Variants in OR7C1 observed in about 807,000 individuals in gnomAD.
OR7C1 encodes olfactory receptor 7C1.
For synonymous variants in OR7C1, 152 were observed against 160.7 expected (o/e 0.95, Z 0.41); for missense variants, 324 against 383.3 (o/e 0.85, Z 1.29).
chr19:14,833,598 T>A (rs2145088276), intron 1 of OR7C1, among the ~76,000 whole-genome samples: 1 of 152,348 alleles, frequency 6.6e-6, no homozygotes, highest in Non-Finnish European at 1.5e-5. Flanking sequence ...AGGTATATAT[T>A]TAACTAAAGA....
rs1366890757 is a variant in OR7C1, at chr19:14,800,230, G to T, written c.-14+26C>A. 4.4e-6 allele frequency: 6 copies of T among 1,361,794 alleles called. No homozygotes were observed. The Admixed American group carries it at 7.1e-5, about 16-fold the overall frequency. 84.4% of individuals were successfully genotyped at this position (1,361,794 alleles called of 1,614,324 possible). On this transcript the variant is annotated intron_variant, in intron 4 of 4. Transcript: ENST00000641666. ...AATTTGGTTACATTTAATTTTAAGT[G>T]AAGGAATCAATTAACAAAAGATTGC...
intron 1 of OR7C1, among the ~76,000 whole-genome samples, chr19:14,821,941 T>C (rs1035712594): frequency 6.6e-6 from 1 of 152,232 alleles, no homozygotes; most frequent in Non-Finnish European, 1.5e-5. Flanking sequence ...AGATTCCCCA[T>C]GTACGAGTGT....
chr19:14,816,800 A>G (rs2044718315), intron 1 of OR7C1, among the ~76,000 whole-genome samples: 1 of 152,200 alleles, frequency 6.6e-6, no homozygotes, highest in Admixed American at 6.5e-5. Context: ...AGGTGCTAGG[A>G]GGTTAGATAT....
intron 1 of OR7C1, among the ~76,000 whole-genome samples, chr19:14,820,964 CAT>C (rs2044738294): frequency 2.0e-5 from 3 of 152,226 alleles, no homozygotes; most frequent in Non-Finnish European, 4.4e-5. Flanking sequence ...CATATAAAAA[CAT>C]GTGTGGGCCG....
At chr19:14,812,520 C>G (rs948144793) in intron 1 of OR7C1, among the ~76,000 whole-genome samples, 1 of 152,150 alleles carries the variant, frequency 6.6e-6, no homozygotes, top group East Asian at 1.9e-4. Context: ...GTCACGTACC[C>G]CCTGCTTGCT....
chr19:14,834,456 A>C (rs1371287526), intron 1 of OR7C1, among the ~76,000 whole-genome samples: 1 of 152,212 alleles, frequency 6.6e-6, no homozygotes, highest in Admixed American at 6.5e-5. Flanking sequence ...GGCCTAAACA[A>C]CACACAAATA....
intron 1 of OR7C1, among the ~76,000 whole-genome samples, chr19:14,817,826 G>A (rs2044722566): frequency 1.3e-5 from 2 of 152,148 alleles, no homozygotes; most frequent in African/African-American, 4.8e-5. Flanking sequence ...GAAGGAATGG[G>A]AGCTAAAAAG....
intron 1 of OR7C1, chr19:14,821,575 C>A (rs1298530485): frequency 6.6e-6 from 1 of 152,220 alleles, no homozygotes; most frequent in East Asian, 1.9e-4. Flanking sequence ...GTAAGAAATA[C>A]CTTTTACATC....
chr19:14,826,702 A>C (rs1158097078), intron 1 of OR7C1: 1 of 152,216 alleles, frequency 6.6e-6, no homozygotes, highest in African/African-American at 2.4e-5. Flanking sequence ...CTCGGAACAT[A>C]TTTTTGATAA....
At chr19:14,816,167 C>A (rs977963704) in intron 1 of OR7C1, among the ~76,000 whole-genome samples, 7 of 151,892 alleles carry the variant, frequency 4.6e-5, no homozygotes, top group African/African-American at 1.7e-4. Context: ...AAGGAGCGTA[C>A]CCCATAAGTG....
At chr19:14,807,367 T>C (rs542582959) in intron 2 of OR7C1, among the ~76,000 whole-genome samples, 1 of 152,128 alleles carries the variant, frequency 6.6e-6, no homozygotes, top group Admixed American at 6.5e-5. Context: ...TGTGTCCAGC[T>C]AAGATACTAT....
chr19:14,800,148 A>C (rs1266084384), exon 5 of OR7C1: 11 of 1,543,616 alleles, frequency 7.1e-6, no homozygotes, highest in Non-Finnish European at 8.7e-6. Flanking sequence ...GGGATAAAAT[A>C]ACTGCCACAA....
At chr19:14,827,605 C>G (rs371721418) in intron 1 of OR7C1, 7 of 1,614,134 alleles carry the variant, frequency 4.3e-6, no homozygotes, top group Non-Finnish European at 5.9e-6. Flanking sequence ...TAAAGGATCC[C>G]AGTCAGGGGA....
chr19:14,831,027 T>C (rs940813141), intron 1 of OR7C1, among the ~76,000 whole-genome samples: 2 of 152,238 alleles, frequency 1.3e-5, no homozygotes, highest in Non-Finnish European at 2.9e-5. Context: ...GTCAGCTCCT[T>C]TCTTGCTAAC....
rs371141714 is a variant in OR7C1, at chr19:14,799,025, C to T, written c.*149G>A. The T allele has an allele frequency of 1.4e-5, 13 of 956,556 alleles. No homozygotes were observed. In the African/African-American group the frequency reaches 1.7e-4, roughly 12 times the overall value. The allele number at this position is 956,556 out of a possible 1,614,324, so 59.3% of individuals were successfully genotyped here. A position where few individuals can be genotyped will look rare whatever the true frequency, so the allele number is the denominator to read the frequency against. ...AAACCTTGCCAAGGACTCTGTGGCC[C>T]TCCCTATCTACCTAAATAATTTCTT... On this transcript the variant is annotated 3_prime_UTR_variant, in exon 5 of 5. Coordinates refer to ENST00000641666, the Ensembl canonical transcript of OR7C1.
At chr19:14,808,175 CG>C (rs2044674899) in intron 2 of OR7C1, among the ~76,000 whole-genome samples, 1 of 151,044 alleles carries the variant, frequency 6.6e-6, no homozygotes, top group Non-Finnish European at 1.5e-5. Context: ...TTGGTGGGAA[CG>C]CAAATTAATT....
At chr19:14,816,935 G>A (rs2044718857) in intron 1 of OR7C1, among the ~76,000 whole-genome samples, 1 of 152,096 alleles carries the variant, frequency 6.6e-6, no homozygotes, top group South Asian at 2.1e-4. Context: ...TTTCCTTACT[G>A]TCCAGACAGG....
At chr19:14,800,318 C>T (rs892961363) in exon 4 of OR7C1, 11 of 665,264 alleles carry the variant, frequency 1.7e-5, no homozygotes, top group Middle Eastern at 8.4e-4. Flanking sequence ...TTGCTACCAT[C>T]GGGATCTGGA....
At position 14,827,257 on chromosome 19, in the gene OR7C1, A is replaced by G. The variant is rs150116940; in HGVS notation, c.-623+7817T>C. On this transcript the variant is annotated intron_variant, in intron 1 of 4. Transcript: ENST00000641666. ...ATCTGATTGAAGAATGACAGTTACTACCTCTGAAGCTTAGAGCCCTGCAAT... is the reference window on the plus strand; with the variant it reads ...ATCTGATTGAAGAATGACAGTTACTGCCTCTGAAGCTTAGAGCCCTGCAAT... The G allele has an allele frequency of 1.4e-4, 209 of 1,506,574 alleles. 1 individual carries two copies. The African/African-American group carries it at 2.6e-3, about 19-fold the overall frequency. 93.3% of individuals were successfully genotyped at this position (1,506,574 alleles called of 1,614,324 possible). A position where few individuals can be genotyped will look rare whatever the true frequency, so the allele number is the denominator to read the frequency against.
Sources: allele counts gnomAD v4.1 joint callset (sites outside exome capture counted in the v4.1 genomes callset), GRCh38; gene constraint gnomAD v4.1.1; transcripts MANE v1.5; gene names NCBI Gene and HGNC (gene_info 2026-07-23, HGNC 2026-07-21).